The following MEGF8 variants were observed in gnomAD, a reference collection of about 807,000 sequenced individuals.
The protein encoded by MEGF8 is multiple epidermal growth factor-like domains protein 8.
A neutral mutation model predicts 302.9 loss-of-function variants in MEGF8; 156 were observed. The observed-to-expected ratio is 0.52, with a 90% CI of 0.45 to 0.59. The LOEUF (loss-of-function observed/expected upper bound fraction) is 0.59, where lower values mean the gene tolerates loss of function less well. MEGF8 is among the 20% of genes least tolerant of loss of function. MEGF8 has a pLI of 0.00. For synonymous variants in MEGF8, 1,621 were observed against 1,660.5 expected, an observed-to-expected ratio of 0.98 and a Z score of 0.58; for missense variants, 3,345 against 3,964.5, an observed-to-expected ratio of 0.84 and a Z score of 4.20.
In MEGF8 at chr19:42,369,313, A is replaced by G. The variant is rs2039652069; in HGVS notation, c.6642-218A>G. Among the ~76,000 whole-genome samples, 1 of 152,222 alleles carries G rather than the reference A, an allele frequency of 6.6e-6. No homozygotes were observed. The highest frequency in any genetic ancestry group is 6.5e-5 in the Admixed American group (1 of 15,286). ...CACAGGGAGACCCCATCTCTACAAA[A>G]AAATAAAAAAGAAAATAGGGTACCC... On this transcript the variant is annotated intron_variant, in intron 37 of 41. Coordinates refer to ENST00000251268, the MANE Select transcript of MEGF8 (RefSeq NM_001271938.2). The surrounding 1 kb of genome is among the most constrained non-coding windows in gnomAD (Gnocchi z 5.7).
rs536200951 is a variant in MEGF8 at position 42,362,045 on chromosome 19, G to A, written c.5721-45G>A. 1.1e-5 allele frequency: 18 copies of A among 1,602,656 alleles called. No homozygotes were observed. The African/African-American group carries it at 2.4e-4, about 21-fold the overall frequency. ...GGACAGTGTCTGGGAGGCAGAAGGA[G>A]GGGGTCTGGATGGGTGTGAGTGAGC... is the stretch of plus-strand genomic sequence containing the variant. On this transcript the variant is annotated intron_variant, in intron 32 of 41. Transcript: ENST00000251268.
rs997009598 is a variant in MEGF8, at chr19:42,349,372, C to G, written c.2299-127C>G. The G allele has an allele frequency of 1.4e-5, 10 of 737,718 alleles. No individual in the cohort carries two copies. In the Admixed American group the frequency reaches 2.3e-4, roughly 17 times the overall value. The allele number at this position is 737,718 out of a possible 1,614,324, so 45.7% of individuals were successfully genotyped here. The stretch of plus-strand genomic sequence containing the variant: ...GTCTCACCTCTGAGGTTCTCAGGAT[C>G]TAAGGAGCTCTGAGGCCCTCTTCTT... On this transcript the variant is annotated intron_variant, in intron 13 of 41. Transcript: ENST00000251268.
In MEGF8 at chr19:42,356,165, A is replaced by G; in HGVS notation, c.4475A>G (p.Glu1492Gly). ...TKLDGGQLVW[E>G]TLMDSRLSAD... The stretch of plus-strand genomic sequence containing the variant: ...CTGGATGGCGGGCAGCTGGTCTGGG[A>G]GACCCTCATGGACAGCCGCCTCTCA... Residue 1492 changes from glutamate to glycine, a missense_variant, in exon 25 of 42, where the codon GAG (glutamate) becomes GGG (glycine). Transcript: ENST00000251268. The surrounding 1 kb of genome is among the most constrained non-coding windows in gnomAD (Gnocchi z 5.2). 6.4e-7 allele frequency: 1 copy of G among 1,559,182 alleles called. No individual in the cohort carries two copies. Among genetic ancestry groups the G allele is most frequent in the Non-Finnish European group, 8.7e-7 (1 of 1,150,992 alleles).
chr19:42,373,971 C>T (rs2039730046), intron 41 of MEGF8, among the ~76,000 whole-genome samples: 1 of 152,126 alleles, frequency 6.6e-6, no homozygotes, highest in African/African-American at 2.4e-5. Flanking sequence ...CCTCAGCCTC[C>T]TGAAGCACTG....
Position 42,362,158 on chromosome 19 carries a change from C to T in MEGF8, c.5789C>T (p.Thr1930Ile). 6.2e-7 allele frequency: 1 copy of T among 1,611,620 alleles called. No individual in the cohort carries two copies. Among genetic ancestry groups the T allele is most frequent in the Non-Finnish European group, 8.5e-7 (1 of 1,179,264 alleles). ...CCGGAGGAATGTCGACGTCTCCGGACCTGCAGTGAGTGCCTGGCCCGCCAT... is the reference window on the plus strand; with the variant it reads ...CCGGAGGAATGTCGACGTCTCCGGATCTGCAGTGAGTGCCTGGCCCGCCAT... Reference protein sequence around the residue: ...RSPEECRRLRTCSECLARHPR... With the variant: ...RSPEECRRLRICSECLARHPR... Residue 1930 changes from threonine to isoleucine, a missense_variant, in exon 33 of 42, where the codon ACC becomes ATC. By Grantham distance (89) the Thr-to-Ile change is moderately conservative. Transcript: ENST00000251268.
chr19:42,375,381 A>T lies in MEGF8; in HGVS notation c.7270-126A>T. 1.0e-6 allele frequency: 1 copy of T among 967,812 alleles called. No homozygotes were observed. The highest frequency in any genetic ancestry group is 1.5e-6 in the Non-Finnish European group (1 of 670,368). The allele number at this position is 967,812 out of a possible 1,614,324, so 60.0% of individuals were successfully genotyped here. On this transcript the variant is annotated intron_variant, in intron 41 of 41. Coordinates refer to ENST00000251268, the MANE Select transcript of MEGF8 (RefSeq NM_001271938.2). The surrounding 1 kb of genome is among the most constrained non-coding windows in gnomAD (Gnocchi z 7.1). ...GGGGTCACAGGGAAGTGACTGGGGCAGTGGGGGTGAGGCCCAGGGCAATGG... is the reference window on the plus strand; with the variant it reads ...GGGGTCACAGGGAAGTGACTGGGGCTGTGGGGGTGAGGCCCAGGGCAATGG...
chr19:42,365,169 A>T (rs2039586309), intron 35 of MEGF8, among the ~76,000 whole-genome samples: 1 of 152,094 alleles, frequency 6.6e-6, no homozygotes, highest in African/African-American at 2.4e-5. Flanking sequence ...TTCTCCCCAG[A>T]TATTATTGAA....
intron 35 of MEGF8, among the ~76,000 whole-genome samples, chr19:42,364,343 A>G (rs546554906): frequency 6.6e-6 from 1 of 152,196 alleles, no homozygotes; most frequent in East Asian, 1.9e-4. Context: ...TCCCACTGTC[A>G]CATGTGGAAG....
chr19:42,343,690 C>T, intron 9 of MEGF8, 59 bp downstream of exon 9: 2 of 1,520,120 alleles, frequency 1.3e-6, no homozygotes, highest in Middle Eastern at 2.3e-4. Flanking sequence ...AGGGTTTCCA[C>T]AGGTGAGGGG....
Position 42,352,909 on chromosome 19 carries a change from C to G in MEGF8, c.3351-19C>G. ...TGGGCCTGCCTGGCGCTTTCCCCAC[C>G]CCCAACACGGCCCCTCAGGTGCTTG... On this transcript the variant is annotated intron_variant, in intron 19 of 41. Transcript: ENST00000251268. This position sits in a 1 kb window ranked among gnomAD's most constrained non-coding sequence, Gnocchi z 4.4. 6.4e-7 allele frequency: 1 copy of G among 1,565,416 alleles called. No homozygotes were observed. The highest frequency in any genetic ancestry group is 8.7e-7 in the Non-Finnish European group (1 of 1,153,896).
In MEGF8 at chr19:42,335,998, C is replaced by A; in HGVS notation, c.896C>A (p.Ala299Asp). 6.5e-7 allele frequency: 1 copy of A among 1,540,748 alleles called. No individual in the cohort carries two copies. Among genetic ancestry groups the A allele is most frequent in the African/African-American group, 1.4e-5 (1 of 73,248 alleles). ...CTGGTACTGATGGGTGGTGAGCTGG[C>A]TGACGGCTCGCTCACCAACGACGTG... ...GSLVLMGGEL[A>D]DGSLTNDVWA... The change falls in exon 6 of 42, where the codon GCT (alanine) becomes GAT (aspartate). Residue 299 changes from alanine (A) to aspartate (D), a missense_variant. Transcript: ENST00000251268.
In MEGF8 at chr19:42,334,262, G is replaced by A. The variant is rs367916807; in HGVS notation, c.558+49G>A. The stretch of plus-strand genomic sequence containing the variant: ...TCCCCTGGGGCCCTGATCTGTGAGC[G>A]CAGCCTCCACGCCCATCTCCTAGGT... On this transcript the variant is annotated intron_variant, in intron 3 of 41. Transcript: ENST00000251268. 19 of 1,498,766 alleles carry A rather than the reference G, an allele frequency of 1.3e-5. No individual in the cohort carries two copies. The East Asian group carries it at 2.6e-4, about 20-fold the overall frequency. 92.8% of individuals were successfully genotyped at this position (1,498,766 alleles called of 1,614,324 possible).
At chr19:42,372,074 A>ACAAACACAC (rs1555784681) in intron 41 of MEGF8, among the ~76,000 whole-genome samples, 3 of 79,230 alleles carry the variant, frequency 3.8e-5, no homozygotes, top group South Asian at 4.2e-4. Flanking sequence ...AACAACAACA[A>ACAAACACAC]ACACACACAC....
chr19:42,345,145 T>A (rs538622944), intron 12 of MEGF8, among the ~76,000 whole-genome samples: 7 of 152,294 alleles, frequency 4.6e-5, no homozygotes, highest in African/African-American at 1.7e-4. Flanking sequence ...CTAATTTTTG[T>A]ATTTTAGTAG....
At chr19:42,359,783 C>T (rs966166833) in intron 31 of MEGF8, among the ~76,000 whole-genome samples, 6 of 151,814 alleles carry the variant, frequency 4.0e-5, no homozygotes, top group African/African-American at 9.7e-5. Flanking sequence ...CTCCAAGGCT[C>T]AAGCAAGCAA....
intron 3 of MEGF8, 91 bp downstream of exon 3, chr19:42,334,304 A>G: frequency 1.6e-6 from 2 of 1,235,904 alleles, no homozygotes; most frequent in Non-Finnish European, 2.2e-6. Context: ...TTGCTCCTGC[A>G]TGAAACTCCC....
intron 8 of MEGF8, among the ~76,000 whole-genome samples, chr19:42,340,960 G>A (rs906857468): frequency 6.6e-6 from 1 of 151,992 alleles, no homozygotes; most frequent in African/African-American, 2.4e-5. Context: ...GAGCCACCAC[G>A]CCCGGCCTAT....
At chr19:42,362,310 T>A (rs765934800) in intron 33 of MEGF8, 74 bp from the exon 34 acceptor site, 160 of 1,610,026 alleles carry the variant, frequency 9.9e-5, no homozygotes, top group Non-Finnish European at 1.3e-4. Context: ...CCCCAGGGTC[T>A]CAGGAACCAC....
chr19:42,327,921 C>T (rs2039006111), intron 1 of MEGF8, among the ~76,000 whole-genome samples: 1 of 152,128 alleles, frequency 6.6e-6, no homozygotes, highest in Non-Finnish European at 1.5e-5. Flanking sequence ...ATGGTGAAAC[C>T]CCATCTCTAC....
Sources: allele counts gnomAD v4.1 joint callset (sites outside exome capture counted in the v4.1 genomes callset), GRCh38; gene constraint gnomAD v4.1.1; non-coding constraint Gnocchi (gnomAD v3.1); transcripts MANE v1.5; gene names NCBI Gene and HGNC (gene_info 2026-07-23, HGNC 2026-07-21).